The following STK32A variants were observed in gnomAD, a reference collection of about 807,000 sequenced individuals.
The protein encoded by STK32A is serine/threonine kinase 32A, also known as serine/threonine-protein kinase 32A.
STK32A carries 41 observed loss-of-function variants against 53.2 expected under a neutral mutation model. The ratio of observed to expected loss-of-function variants is 0.77; its 90% CI spans 0.60 to 1.00. STK32A has a LOEUF of 1.00. Ranked by LOEUF, STK32A falls within the 50% of genes least tolerant of loss-of-function variation. STK32A has a pLI of 0.00. For missense variants in STK32A, 458 were observed against 485.8 expected, an observed-to-expected ratio of 0.94 and a Z score of 0.54; for synonymous variants, 166 against 162.8, an observed-to-expected ratio of 1.02 and a Z score of -0.15.
intron 2 of STK32A, among the ~76,000 whole-genome samples, chr5:147,275,390 C>A (rs1755209889): frequency 6.6e-6 from 1 of 151,726 alleles, no homozygotes; most frequent in Non-Finnish European, 1.5e-5. Context: ...TGCAGTGGTG[C>A]AATCACAGAT....
intron 4 of STK32A, among the ~76,000 whole-genome samples, chr5:147,313,602 A>G (rs967091764): frequency 2.0e-5 from 3 of 152,228 alleles, no homozygotes; most frequent in Admixed American, 6.5e-5. Flanking sequence ...TCAAAATTCA[A>G]TAAATTCAAA....
intron 2 of STK32A, among the ~76,000 whole-genome samples, chr5:147,277,782 T>C (rs1751834994): frequency 6.6e-6 from 1 of 152,176 alleles, no homozygotes; most frequent in African/African-American, 2.4e-5. Flanking sequence ...CCATGACCTC[T>C]CTTCTTAACT....
intron 2 of STK32A, among the ~76,000 whole-genome samples, chr5:147,243,533 T>G (rs1031893089): frequency 7.3e-6 from 1 of 136,398 alleles, no homozygotes; most frequent in African/African-American, 2.7e-5. Flanking sequence ...GGTCAAGAGA[T>G]CGAAACCATC....
At chr5:147,358,074 GA>G (rs1028197821) in intron 7 of STK32A, among the ~76,000 whole-genome samples, 4 of 151,840 alleles carry the variant, frequency 2.6e-5, no homozygotes, top group Non-Finnish European at 5.9e-5. Flanking sequence ...TAAATGTATA[GA>G]TTAGTGTTGG....
chr5:147,373,131 C>T lies in STK32A; in HGVS notation c.778-38C>T, dbSNP rs73262266. 13,996 of 1,606,386 alleles carry T rather than the reference C, an allele frequency of 8.7e-3. 1,152 individuals are homozygous for T. The African/African-American group carries it at 0.17, about 19-fold the overall frequency. On this transcript the variant is annotated intron_variant, in intron 9 of 12. Transcript: ENST00000397936. ...GTATGATTTTTTTTTGTCCTTCTATCCTTTCTTATGGCCTTGATGTTTGCA... is the reference window on the plus strand; with the variant it reads ...GTATGATTTTTTTTTGTCCTTCTATTCTTTCTTATGGCCTTGATGTTTGCA...
intron 5 of STK32A, among the ~76,000 whole-genome samples, chr5:147,329,090 T>A (rs935017920): frequency 6.6e-6 from 1 of 152,038 alleles, no homozygotes; most frequent in Non-Finnish European, 1.5e-5. Context: ...ACAGAGAGAG[T>A]TGCAAAAATT....
the STK32A span, chr5:147,393,317 A>G: frequency 6.6e-6 from 1 of 152,380 alleles, no homozygotes; most frequent in South Asian, 2.1e-4. Flanking sequence ...TGAAAGCAAC[A>G]CTAAGAAAGA....
chr5:147,257,739 A>AAG (rs1409185395), intron 2 of STK32A, among the ~76,000 whole-genome samples: 1 of 152,050 alleles, frequency 6.6e-6, no homozygotes, highest in Non-Finnish European at 1.5e-5. Context: ...ACCCTTTGAT[A>AAG]AGAACGTGAT....
At position 147,249,186 on chromosome 5, in the gene STK32A, A is replaced by C. The variant is rs572346586; in HGVS notation, c.52+9500A>C. ...TCATTTTTTGTATGTGTGTATGCTT[A>C]GTATTTATGGATTGTGGAAATAGAA... On this transcript the variant is annotated intron_variant, in intron 2 of 12. Coordinates refer to ENST00000397936, the MANE Select transcript of STK32A (RefSeq NM_001112724.2). 2.6e-4 allele frequency among the ~76,000 whole-genome samples: 40 copies of C among 152,282 alleles called. No individual in the cohort carries two copies. The South Asian group carries it at 8.3e-3, about 32-fold the overall frequency.
Position 147,383,991 on chromosome 5 carries a change from A to G in STK32A, c.*8A>G. The G allele has an allele frequency of 1.3e-6, 2 of 1,598,844 alleles. No homozygotes were observed. Among genetic ancestry groups the G allele is most frequent in the South Asian group, 1.2e-5 (1 of 86,952 alleles). The stretch of plus-strand genomic sequence containing the variant: ...CAGAATAACAACTTGTAAAGGCCTC[A>G]TGTCTTCTTCTTGGGACAATCTCAT... On this transcript the variant is annotated 3_prime_UTR_variant, in exon 13 of 13. Coordinates refer to ENST00000397936, the MANE Select transcript of STK32A (RefSeq NM_001112724.2).
chr5:147,343,000 C>G lies in STK32A; in HGVS notation c.435-6C>G, dbSNP rs1435926496. ...GCAACTTTCTTTTTTCTTTTTACTCCTCTAGGGATATGAAGCCTGACAATA... is the reference window on the plus strand; with the variant it reads ...GCAACTTTCTTTTTTCTTTTTACTCGTCTAGGGATATGAAGCCTGACAATA... On this transcript the variant is annotated splice_polypyrimidine_tract_variant and splice_region_variant and intron_variant, in intron 5 of 12. Coordinates refer to ENST00000397936, the MANE Select transcript of STK32A (RefSeq NM_001112724.2). 1.2e-6 allele frequency: 2 copies of G among 1,613,088 alleles called. No individual in the cohort carries two copies. The highest frequency in any genetic ancestry group is 2.7e-5 in the African/African-American group (2 of 74,860).
chr5:147,265,608 C>A lies in STK32A; in HGVS notation c.53-12516C>A, dbSNP rs1754770274. Among the ~76,000 whole-genome samples the A allele has an allele frequency of 4.6e-5, 7 of 152,130 alleles. No homozygotes were observed. In the South Asian group the frequency reaches 1.5e-3, roughly 32 times the overall value. Reference sequence around the variant, plus strand: ...GCTAAATGAGGCACACTCAGTTTTCCTTCTCTGCTTGGGGAGGGTAAGTGT... The same window carrying A: ...GCTAAATGAGGCACACTCAGTTTTCATTCTCTGCTTGGGGAGGGTAAGTGT... On this transcript the variant is annotated intron_variant, in intron 2 of 12. Transcript: ENST00000397936.
intron 2 of STK32A, among the ~76,000 whole-genome samples, chr5:147,274,799 G>A (rs1267635644): frequency 1.2e-4 from 19 of 152,052 alleles, no homozygotes; most frequent in Admixed American, 1.0e-3. Flanking sequence ...AAGCATAGAC[G>A]TAAATTTCCA....
At chr5:147,271,959 C>G (rs7730862) in intron 2 of STK32A, among the ~76,000 whole-genome samples, 1 of 151,840 alleles carries the variant, frequency 6.6e-6, no homozygotes, top group East Asian at 1.9e-4. Flanking sequence ...ACACCCTATT[C>G]GTACACTCCC....
In STK32A at chr5:147,307,477, C is replaced by T. The variant is rs140770557; in HGVS notation, c.261-16421C>T. On this transcript the variant is annotated intron_variant, in intron 4 of 12. Transcript: ENST00000397936. Reference sequence around the variant, plus strand: ...CTCTATTAAAAATACAAATATTAGCCGGGTGTAATGGCACATGCCTGTAAA... The same window carrying T: ...CTCTATTAAAAATACAAATATTAGCTGGGTGTAATGGCACATGCCTGTAAA... Among the ~76,000 whole-genome samples, 4 of 151,824 alleles carry T rather than the reference C, an allele frequency of 2.6e-5. No homozygotes were observed. In the East Asian group the frequency reaches 5.8e-4, roughly 22 times the overall value.
intron 4 of STK32A, among the ~76,000 whole-genome samples, chr5:147,299,343 G>A (rs1037060263): frequency 3.9e-5 from 6 of 151,978 alleles, no homozygotes; most frequent in East Asian, 1.9e-4. Context: ...GGTTTTGGCC[G>A]GCTTCTTTGC....
chr5:147,400,785 G>C, the STK32A span: 32 of 1,614,182 alleles, frequency 2.0e-5, no homozygotes, highest in South Asian at 3.2e-4. Context: ...TTGCTTTCTG[G>C]GCAGTGCTGA....
chr5:147,379,435 G>A (rs1757367867), intron 11 of STK32A, among the ~76,000 whole-genome samples: 1 of 152,044 alleles, frequency 6.6e-6, no homozygotes. Flanking sequence ...TATAGATGGA[G>A]TTGGTATGTG....
chr5:147,291,572 A>G (rs923226080), intron 4 of STK32A, among the ~76,000 whole-genome samples: 1 of 151,612 alleles, frequency 6.6e-6, no homozygotes, highest in Non-Finnish European at 1.5e-5. Context: ...AAGAATTTCT[A>G]TGCCTGAATG....
Sources: gnomAD v4.1 joint callset for allele counts (sites outside exome capture counted in the v4.1 genomes callset) on GRCh38, gnomAD v4.1.1 for gene constraint, MANE v1.5 for transcripts, NCBI Gene and HGNC (gene_info 2026-07-23, HGNC 2026-07-21) for gene names.